The following TNS3 variants were observed in gnomAD, a reference collection of about 807,000 sequenced individuals.
TNS3 encodes tensin-3.
TNS3 carries 45 observed loss-of-function variants against 140.9 expected under a neutral mutation model. The observed-to-expected ratio is 0.32, with a 90% CI of 0.25 to 0.41. The LOEUF is 0.41. TNS3 is among the 10% of genes least tolerant of loss of function. The pLI is 1.00. For missense variants in TNS3, 1,716 were observed against 1,906.7 expected, an observed-to-expected ratio of 0.90 and a Z score of 1.86; for synonymous variants, 815 against 788.4, an observed-to-expected ratio of 1.03 and a Z score of -0.56.
intron 20 of TNS3, among the ~76,000 whole-genome samples, chr7:47,333,651 T>C (rs900945745): frequency 2.6e-5 from 4 of 152,134 alleles, no homozygotes; most frequent in African/African-American, 4.8e-5. Flanking sequence ...AAGAAGAAGA[T>C]TGGTAAAAGC....
At chr7:47,305,405 G>A (rs1297926133) in intron 20 of TNS3, among the ~76,000 whole-genome samples, 1 of 152,216 alleles carries the variant, frequency 6.6e-6, no homozygotes, top group Non-Finnish European at 1.5e-5. Context: ...CTTTAGAATT[G>A]GCATGGCCTT....
chr7:47,333,992 T>C (rs1788480661), intron 20 of TNS3, among the ~76,000 whole-genome samples: 1 of 152,322 alleles, frequency 6.6e-6, no homozygotes, highest in Non-Finnish European at 1.5e-5. Flanking sequence ...TTCAAGATCA[T>C]AGAGCTACAG....
intron 20 of TNS3, among the ~76,000 whole-genome samples, chr7:47,336,306 G>A (rs1043236408): frequency 3.3e-5 from 5 of 151,940 alleles, no homozygotes; most frequent in South Asian, 2.1e-4. Context: ...AAACAATCCC[G>A]CCCTGGCAGA....
At chr7:47,477,747 G>A (rs1305944270) in intron 4 of TNS3, among the ~76,000 whole-genome samples, 1 of 152,186 alleles carries the variant, frequency 6.6e-6, no homozygotes, top group Admixed American at 6.5e-5. Flanking sequence ...AAGGATCACA[G>A]TGCCAGAAGA....
chr7:47,543,962 C>T (rs992896751), intron 1 of TNS3, among the ~76,000 whole-genome samples: 1 of 152,172 alleles, frequency 6.6e-6, no homozygotes. Context: ...TGCTCTGACT[C>T]GTCACAGAGT....
chr7:47,567,776 G>A (rs1283414841), intron 1 of TNS3, among the ~76,000 whole-genome samples: 1 of 151,748 alleles, frequency 6.6e-6, no homozygotes, highest in Non-Finnish European at 1.5e-5. Flanking sequence ...AGATGCCAAT[G>A]AAAGAAATGA....
intron 26 of TNS3, 52 bp downstream of exon 26, chr7:47,292,776 C>A: frequency 6.6e-7 from 1 of 1,517,816 alleles, no homozygotes; most frequent in Non-Finnish European, 9.0e-7. Context: ...AACCGGTGGC[C>A]TTGACTGCAG....
intron 13 of TNS3, among the ~76,000 whole-genome samples, chr7:47,401,443 T>C (rs376951166): frequency 8.9e-4 from 136 of 152,288 alleles, no homozygotes; most frequent in African/African-American, 3.2e-3. Flanking sequence ...TGCTGTAATT[T>C]AGAGACAGAG....
chr7:47,409,957 C>T (rs1793674497), intron 13 of TNS3, among the ~76,000 whole-genome samples: 1 of 152,294 alleles, frequency 6.6e-6, no homozygotes, highest in Admixed American at 6.5e-5. Flanking sequence ...GCGCCCAGCC[C>T]GGCCTCCTCT....
chr7:47,429,372 CT>C (rs35303779), intron 8 of TNS3, among the ~76,000 whole-genome samples: 4 of 149,524 alleles, frequency 2.7e-5, no homozygotes, highest in Admixed American at 6.6e-5. Flanking sequence ...CAATCTGGCT[CT>C]TTTTTTTTTG....
intron 20 of TNS3, among the ~76,000 whole-genome samples, chr7:47,307,254 A>G (rs1476917139): frequency 6.6e-6 from 1 of 152,242 alleles, no homozygotes; most frequent in African/African-American, 2.4e-5. Context: ...AATCATTCAT[A>G]TAAACTCTTT....
rs1392510481 is a variant in TNS3 at position 47,363,124 on chromosome 7, CCAT to C, written c.2281+5238_2281+5240del. ...ACCATCATCATCATCATCATCATCA[CCAT>C]CATCACTGTCATCATCACCATCATC... On this transcript the variant is annotated intron_variant, in intron 17 of 30. Transcript: ENST00000311160. 3.5e-5 allele frequency among the ~76,000 whole-genome samples: 5 copies of C among 143,780 alleles called. No homozygotes were observed. The East Asian group carries it at 8.2e-4, about 24-fold the overall frequency. 94.3% of individuals were successfully genotyped at this position (143,780 alleles called of 152,430 possible). A position where few individuals can be genotyped will look rare whatever the true frequency, so the allele number is the denominator to read the frequency against.
At chr7:47,555,401 CAAAA>C (rs59842217) in intron 1 of TNS3, among the ~76,000 whole-genome samples, 4 of 117,832 alleles carry the variant, frequency 3.4e-5, no homozygotes, top group Non-Finnish European at 5.5e-5. Context: ...GACTTTGTCT[CAAAA>C]AAAAAAAAAA....
chr7:47,329,462 A>T (rs555399250), intron 20 of TNS3, among the ~76,000 whole-genome samples: 1 of 152,052 alleles, frequency 6.6e-6, no homozygotes, highest in Admixed American at 6.6e-5. Context: ...ACACTCATCA[A>T]CCTGTGAAGA....
chr7:47,293,119 T>A (rs978219695), intron 25 of TNS3, among the ~76,000 whole-genome samples: 1 of 152,260 alleles, frequency 6.6e-6, no homozygotes, highest in Non-Finnish European at 1.5e-5. Flanking sequence ...GAACTGTTTA[T>A]CATTCTTATC....
chr7:47,550,798 G>A (rs1006602616), intron 1 of TNS3, among the ~76,000 whole-genome samples: 5 of 152,166 alleles, frequency 3.3e-5, no homozygotes, highest in Non-Finnish European at 5.9e-5. Context: ...CGAATACTAT[G>A]AAGTCACTAA....
intron 4 of TNS3, among the ~76,000 whole-genome samples, chr7:47,479,528 G>A (rs968391394): frequency 1.3e-5 from 2 of 151,394 alleles, no homozygotes; most frequent in South Asian, 2.1e-4. Context: ...GGAATGGAGT[G>A]AGACTGGACC....
chr7:47,435,362 C>G lies in TNS3; in HGVS notation c.244G>C (p.Asp82His). 1 of 1,614,094 alleles carries G rather than the reference C, an allele frequency of 6.2e-7. No homozygotes were observed. Among genetic ancestry groups the G allele is most frequent in the Non-Finnish European group, 8.5e-7 (1 of 1,180,032 alleles). The change falls in exon 8 of 31, where the codon GAT becomes CAT. Residue 82 changes from aspartate to histidine, a missense_variant. By Grantham distance (81) the Asp-to-His change is moderately conservative. Coordinates refer to ENST00000311160, the MANE Select transcript of TNS3 (RefSeq NM_022748.12). ...GCCTTGCATATGGTACACATCTTATCCAGGGGCGGTGCGTGGAGCTCTGGC... is the reference window on the plus strand; with the variant it reads ...GCCTTGCATATGGTACACATCTTATGCAGGGGCGGTGCGTGGAGCTCTGGC... ...GWPELHAPPL[D>H]KMCTICKAQE...
rs547717172 is a variant in TNS3, at chr7:47,300,809, T to G, written c.3544+1377A>C. ...TCTTGAGACACAAGCAGGGCCAGGG[T>G]GGTGGCAACAGGCACACAGCATCCG... On this transcript the variant is annotated intron_variant, in intron 23 of 30. Transcript: ENST00000311160. Among the ~76,000 whole-genome samples, 5 of 152,252 alleles carry G rather than the reference T, an allele frequency of 3.3e-5. No individual in the cohort carries two copies. The South Asian group carries it at 1.0e-3, about 32-fold the overall frequency.
Sources: gnomAD v4.1 joint callset for allele counts (sites outside exome capture counted in the v4.1 genomes callset) on GRCh38, gnomAD v4.1.1 for gene constraint, MANE v1.5 for transcripts, NCBI Gene and HGNC (gene_info 2026-07-23, HGNC 2026-07-21) for gene names.